Variants in CPEB1 observed in about 807,000 individuals in gnomAD.
CPEB1 encodes the protein cytoplasmic polyadenylation element-binding protein 1.
A neutral mutation model predicts 65.8 loss-of-function variants in CPEB1; 7 were observed. The observed-to-expected ratio is 0.11, with a 90% CI of 0.06 to 0.20. CPEB1 has a LOEUF of 0.20. Among genes scored for constraint, CPEB1 ranks in the 10% least tolerant of loss-of-function variants. The pLI is 1.00. For synonymous variants in CPEB1, 262 were observed against 260.0 expected (o/e 1.01, Z -0.08); for missense variants, 551 against 712.2 (o/e 0.77, Z 2.58).
intron 1 of CPEB1, among the ~76,000 whole-genome samples, chr15:82,645,423 G>T (rs2047421274): frequency 6.6e-6 from 1 of 152,028 alleles, no homozygotes; most frequent in Admixed American, 6.6e-5. Flanking sequence ...AAAGTGCTGG[G>T]ATTAAAGGCG....
At chr15:82,585,501 G>C (rs1158145511) in intron 3 of CPEB1, among the ~76,000 whole-genome samples, 2 of 152,114 alleles carry the variant, frequency 1.3e-5, no homozygotes, top group Non-Finnish European at 2.9e-5. Context: ...GGAAGAACTA[G>C]GCAACTTACA....
chr15:82,566,106 T>C (rs892601226), intron 4 of CPEB1, among the ~76,000 whole-genome samples: 2 of 152,154 alleles, frequency 1.3e-5, no homozygotes, highest in African/African-American at 4.8e-5. Context: ...ACTGTTCAAA[T>C]TTTCGGAAGC....
intron 4 of CPEB1, among the ~76,000 whole-genome samples, chr15:82,563,180 C>CA (rs2038520475): frequency 6.6e-6 from 1 of 152,056 alleles, no homozygotes; most frequent in African/African-American, 2.4e-5. Flanking sequence ...CCAAAAGGAG[C>CA]AAGGGCCTAC....
At chr15:82,578,185 G>A (rs2040875390) in intron 3 of CPEB1, among the ~76,000 whole-genome samples, 1 of 152,114 alleles carries the variant, frequency 6.6e-6, no homozygotes, top group African/African-American at 2.4e-5. Context: ...AAGCATTATT[G>A]GTATAGTTAG....
chr15:82,599,263 T>A (rs1596084124), intron 3 of CPEB1, among the ~76,000 whole-genome samples: 2 of 152,348 alleles, frequency 1.3e-5, no homozygotes, highest in East Asian at 3.9e-4. Context: ...GACACGTTCC[T>A]AGGCTCTTCA....
intron 3 of CPEB1, among the ~76,000 whole-genome samples, chr15:82,578,369 AG>A (rs2040888957): frequency 6.6e-6 from 1 of 152,230 alleles, no homozygotes; most frequent in African/African-American, 2.4e-5. Flanking sequence ...ACTAAATCAA[AG>A]AATTGTATGA....
chr15:82,582,737 C>CTTT (rs11300517), intron 3 of CPEB1, among the ~76,000 whole-genome samples: 77 of 87,376 alleles, frequency 8.8e-4, no homozygotes, highest in East Asian at 2.1e-3. Flanking sequence ...ACTAGGAGTT[C>CTTT]TTTTTTTTTT....
chr15:82,544,577 G>A lies in CPEB1; in HGVS notation c.*15C>T, dbSNP rs1416320936. ...AGCTTTGGGCGCCACAGGCCACTGGGCAAGGCCAGCTCCTCTAGCTGGAAT... is the reference window on the plus strand; with the variant it reads ...AGCTTTGGGCGCCACAGGCCACTGGACAAGGCCAGCTCCTCTAGCTGGAAT... On this transcript the variant is annotated 3_prime_UTR_variant, in exon 13 of 13. Transcript: ENST00000684509. 7.5e-6 allele frequency: 12 copies of A among 1,605,586 alleles called. No homozygotes were observed. The highest frequency in any genetic ancestry group is 4.2e-4 in the Middle Eastern group (2 of 4,778).
intron 3 of CPEB1, among the ~76,000 whole-genome samples, chr15:82,608,262 G>T (rs553219616): frequency 6.6e-6 from 1 of 151,362 alleles, no homozygotes; most frequent in African/African-American, 2.5e-5. Flanking sequence ...TTTAATAATT[G>T]CCTCTGATTT....
chr15:82,611,940 T>A (rs922645137), intron 3 of CPEB1, among the ~76,000 whole-genome samples: 4 of 151,536 alleles, frequency 2.6e-5, no homozygotes, highest in African/African-American at 9.7e-5. Context: ...TGTTAAGAAA[T>A]ACTGGAAATT....
At chr15:82,547,763 C>T (rs1032197465) in intron 10 of CPEB1, among the ~76,000 whole-genome samples, 1 of 151,778 alleles carries the variant, frequency 6.6e-6, no homozygotes, top group Non-Finnish European at 1.5e-5. Flanking sequence ...ACCTCTGCAT[C>T]CCAGGCTCAA....
intron 3 of CPEB1, among the ~76,000 whole-genome samples, chr15:82,609,077 A>G (rs1360388203): frequency 2.0e-5 from 3 of 152,248 alleles, no homozygotes; most frequent in Non-Finnish European, 4.4e-5. Context: ...ATTAAACAAC[A>G]TACTCTTCAT....
intron 8 of CPEB1, 56 bp downstream of exon 8, chr15:82,553,411 C>G (rs1232463325): frequency 7.4e-7 from 1 of 1,358,674 alleles, no homozygotes; most frequent in Non-Finnish European, 1.1e-6. Flanking sequence ...CAGTTATGTA[C>G]TAGGGAAGGG....
chr15:82,580,745 G>A (rs899322061), intron 3 of CPEB1, among the ~76,000 whole-genome samples: 2 of 151,970 alleles, frequency 1.3e-5, no homozygotes, highest in Non-Finnish European at 2.9e-5. Context: ...CTATTGTAGG[G>A]ACCTTGTAAG....
At chr15:82,552,447 C>A (rs1457138180) in intron 9 of CPEB1, 33 bp downstream of exon 9, 2 of 1,516,050 alleles carry the variant, frequency 1.3e-6, no homozygotes, top group Non-Finnish European at 1.8e-6. Context: ...ATTCCAAGAC[C>A]CTCGATCCAG....
chr15:82,573,405 C>T (rs765312185), intron 3 of CPEB1, among the ~76,000 whole-genome samples: 1 of 151,966 alleles, frequency 6.6e-6, no homozygotes, highest in Non-Finnish European at 1.5e-5. Flanking sequence ...GACTACTCCC[C>T]TCCTGCTTCT....
intron 9 of CPEB1, among the ~76,000 whole-genome samples, chr15:82,549,887 T>C (rs2035944221): frequency 6.6e-6 from 1 of 152,118 alleles, no homozygotes; most frequent in Non-Finnish European, 1.5e-5. Flanking sequence ...ATGGTAGAAG[T>C]GGACACAGTA....
chr15:82,647,516 C>T (rs903807066), upstream of CPEB1: 6 of 249,108 alleles, frequency 2.4e-5, no homozygotes, highest in Non-Finnish European at 3.8e-5. Flanking sequence ...ACGTTCCGGG[C>T]GCCGGTGCTC....
At chr15:82,568,389 A>G (rs560806914) in intron 4 of CPEB1, among the ~76,000 whole-genome samples, 1 of 152,252 alleles carries the variant, frequency 6.6e-6, no homozygotes, top group East Asian at 1.9e-4. Context: ...AAAGGGTAGC[A>G]CTGGGGTATG....
Sources: gnomAD v4.1 joint callset for allele counts (sites outside exome capture counted in the v4.1 genomes callset) on GRCh38, gnomAD v4.1.1 for gene constraint, MANE v1.5 for transcripts, NCBI Gene and HGNC (gene_info 2026-07-23, HGNC 2026-07-21) for gene names.